The following LY6S variants were observed in gnomAD, a reference collection of about 807,000 sequenced individuals.
The protein encoded by LY6S is lymphocyte antigen 6 family member S.
At chr8:143,050,729 A>C in the LY6S span, among the ~76,000 whole-genome samples, 1 of 152,146 alleles carries the variant, frequency 6.6e-6, no homozygotes. Context: ...TCCACAGTAG[A>C]ATAGACCTCA....
At chr8:143,058,961 G>A in the LY6S span, among the ~76,000 whole-genome samples, 15 of 152,328 alleles carry the variant, frequency 9.8e-5, no homozygotes, top group East Asian at 2.1e-3. Flanking sequence ...ATAGAGTGAG[G>A]ATTATTATAA....
chr8:143,042,774 G>A, the LY6S span, among the ~76,000 whole-genome samples: 1 of 152,296 alleles, frequency 6.6e-6, no homozygotes, highest in African/African-American at 2.4e-5. Flanking sequence ...GTGGCAAGCT[G>A]GATGGAGCTG....
At chr8:143,057,334 C>T in the LY6S span, 5 of 370,988 alleles carry the variant, frequency 1.3e-5, no homozygotes, top group East Asian at 2.6e-4. Flanking sequence ...ACTGCAATCT[C>T]CACCTCCAGG....
chr8:143,052,088 T>C, the LY6S span, among the ~76,000 whole-genome samples: 4 of 151,836 alleles, frequency 2.6e-5, no homozygotes. Flanking sequence ...GAGACCATCC[T>C]GGCTAACACG....
At chr8:143,044,212 T>C in the LY6S span, 3 of 456,128 alleles carry the variant, frequency 6.6e-6, no homozygotes, top group Non-Finnish European at 8.8e-6. Flanking sequence ...GCTCACAGCC[T>C]GCGCCTCTCC....
chr8:143,068,400 G>T, the LY6S span, among the ~76,000 whole-genome samples: 1 of 152,070 alleles, frequency 6.6e-6, no homozygotes, highest in African/African-American at 2.4e-5. Flanking sequence ...AGTTTCTTAT[G>T]TCTTCCTTTT....
At chr8:143,066,382 G>A in the LY6S span, 1 of 203,552 alleles carries the variant, frequency 4.9e-6, no homozygotes, top group Non-Finnish European at 9.9e-6. Context: ...GGCTGGTCTG[G>A]AACTCATGAC....
chr8:143,054,123 A>G, the LY6S span: 1 of 152,090 alleles, frequency 6.6e-6, no homozygotes. Flanking sequence ...TGGCTAACAC[A>G]GTGAAACCCC....
At chr8:143,071,137 G>A in the LY6S span, among the ~76,000 whole-genome samples, 6 of 149,080 alleles carry the variant, frequency 4.0e-5, no homozygotes, top group African/African-American at 1.6e-4. Context: ...CATGGCTGGC[G>A]GAAGACCCGG....
At chr8:143,043,142 G>T in the LY6S span, 3 of 1,367,722 alleles carry the variant, frequency 2.2e-6, no homozygotes, top group African/African-American at 4.4e-5. Context: ...CCCAGAGGAA[G>T]ACTGACCCCA....
chr8:143,050,176 CTTTTT>C, the LY6S span, among the ~76,000 whole-genome samples: 1,292 of 114,828 alleles, frequency 0.011, 8 homozygotes, highest in Middle Eastern at 0.057. Context: ...CAAAACCTGA[CTTTTT>C]TTTTTTTTTT....
chr8:143,070,143 G>A, the LY6S span, among the ~76,000 whole-genome samples: 1 of 151,676 alleles, frequency 6.6e-6, no homozygotes, highest in Admixed American at 6.6e-5. Flanking sequence ...TGTCACGGTT[G>A]CCCCTCTGTG....
chr8:143,055,921 T>C, the LY6S span, among the ~76,000 whole-genome samples: 1 of 152,234 alleles, frequency 6.6e-6, no homozygotes, highest in East Asian at 1.9e-4. Flanking sequence ...TCGAGTTCTC[T>C]GATCAGGAAC....
the LY6S span, among the ~76,000 whole-genome samples, chr8:143,071,855 T>G: frequency 3.5e-4 from 53 of 152,130 alleles, 1 homozygote; most frequent in Admixed American, 1.2e-3. Flanking sequence ...TAGAAAACTC[T>G]AATTCAGAGC....
chr8:143,054,207 G>T, the LY6S span: 1 of 149,828 alleles, frequency 6.7e-6, no homozygotes, highest in Admixed American at 6.8e-5. Flanking sequence ...TTGGGAGGCT[G>T]AGGCAAGAGA....
chr8:143,042,921 G>T, the LY6S span: 1 of 1,103,918 alleles, frequency 9.1e-7, no homozygotes, highest in Non-Finnish European at 1.3e-6. Context: ...TGGGCCCAGA[G>T]GACAAGGAGT....
the LY6S span, among the ~76,000 whole-genome samples, chr8:143,050,152 T>C: frequency 1.3e-5 from 2 of 150,556 alleles, no homozygotes; most frequent in Non-Finnish European, 2.9e-5. Context: ...ATCGCCATTC[T>C]AGTAGAAGAA....
At chr8:143,060,483 A>C in the LY6S span, among the ~76,000 whole-genome samples, 1 of 152,232 alleles carries the variant, frequency 6.6e-6, no homozygotes. Context: ...CATAGAAGAA[A>C]TAATGACGTA....
the LY6S span, chr8:143,044,866 AG>A: frequency 7.7e-7 from 1 of 1,294,252 alleles, no homozygotes; most frequent in Non-Finnish European, 1.0e-6. Context: ...CCCTGGTGAG[AG>A]TCCCATGCCC....
Sources: allele counts gnomAD v4.1 joint callset (sites outside exome capture counted in the v4.1 genomes callset), GRCh38; gene constraint gnomAD v4.1.1; transcripts MANE v1.5; gene names NCBI Gene and HGNC (gene_info 2026-07-23, HGNC 2026-07-21).